LHCGR: variants seen among roughly 807,000 people sequenced by gnomAD.
LHCGR encodes the protein lutropin-choriogonadotropic hormone receptor.
A neutral mutation model predicts 60.7 loss-of-function variants in LHCGR; 55 were observed. The observed-to-expected ratio is 0.91, with a 90% CI of 0.73 to 1.13. The LOEUF (loss-of-function observed/expected upper bound fraction) is 1.13. Among genes scored for constraint, LHCGR ranks in the 50% most tolerant of loss-of-function variants. LHCGR has a pLI of 0.00. For missense variants in LHCGR, 862 were observed against 836.0 expected (o/e 1.03, Z -0.38); for synonymous variants, 337 against 316.5 (o/e 1.06, Z -0.69).
Position 48,687,843 on chromosome 2 carries a change from T to G in LHCGR, c.1954A>C (p.Arg652=), listed in dbSNP as rs1190896239. Residue 652 remains arginine (R), a synonymous_variant, in exon 11 of 11, where the codon AGA becomes CGA. Coordinates refer to ENST00000294954, the MANE Select transcript of LHCGR (RefSeq NM_000233.4). ...GTGTAAGCTGAAAAATCTTTCCTTCTATAAAGTTCAGCCCGACGTTTACAG... is the reference window on the plus strand; with the variant it reads ...GTGTAAGCTGAAAAATCTTTCCTTCGATAAAGTTCAGCCCGACGTTTACAG... ...GCCKRRAELY[R]RKDFSAYTSN... is the part of the protein sequence containing the mutation. 1 of 1,614,166 alleles carries G rather than the reference T, an allele frequency of 6.2e-7. No individual in the cohort carries two copies. Among genetic ancestry groups the G allele is most frequent in the Admixed American group, 1.7e-5 (1 of 60,020 alleles).
At position 48,688,898 on chromosome 2, in the gene LHCGR, A is replaced by G. The variant is rs747737917; in HGVS notation, c.948-49T>C. 3 of 1,546,526 alleles carry G rather than the reference A, an allele frequency of 1.9e-6. No individual in the cohort carries two copies. The highest frequency in any genetic ancestry group is 2.2e-5 in the East Asian group (1 of 44,566). ...AGGTAAGGGATTTTCTCTGAGTATTAAAAAATTCAAGAATTATGTTTCTTT... is the reference window on the plus strand; with the variant it reads ...AGGTAAGGGATTTTCTCTGAGTATTGAAAAATTCAAGAATTATGTTTCTTT... On this transcript the variant is annotated intron_variant, in intron 10 of 10. Coordinates refer to ENST00000294954, the MANE Select transcript of LHCGR (RefSeq NM_000233.4). This position sits in a 1 kb window ranked among gnomAD's most constrained non-coding sequence, Gnocchi z 5.2.
intron 9 of LHCGR, among the ~76,000 whole-genome samples, chr2:48,695,836 G>T (rs541895199): frequency 3.3e-5 from 5 of 152,196 alleles, no homozygotes; most frequent in Admixed American, 2.6e-4. Context: ...CTAAACACTG[G>T]GAACATATGA....
chr2:48,755,510 C>A lies in LHCGR; in HGVS notation c.161+1G>T. The A allele has an allele frequency of 6.5e-7, 1 of 1,538,426 alleles. No individual in the cohort carries two copies. Among genetic ancestry groups the A allele is most frequent in the Non-Finnish European group, 8.8e-7 (1 of 1,140,658 alleles). On this transcript the variant is annotated splice_donor_variant, in intron 1 of 10. Transcript: ENST00000294954. LOFTEE classifies it high-confidence loss of function. ...CCGCGACGGGAGCGCTGTGTACTCA[C>A]AGTCGAGTGAGACCGGCCGTGGGGC... is the stretch of plus-strand genomic sequence containing the variant.
chr2:48,695,417 A>G (rs919875654), intron 9 of LHCGR, among the ~76,000 whole-genome samples: 4 of 152,156 alleles, frequency 2.6e-5, no homozygotes, highest in African/African-American at 9.6e-5. Context: ...TAGGACTTTT[A>G]CAGTCTGAGA....
At chr2:48,709,640 G>T (rs1667880955) in intron 7 of LHCGR, among the ~76,000 whole-genome samples, 1 of 152,166 alleles carries the variant, frequency 6.6e-6, no homozygotes, top group Admixed American at 6.5e-5. Flanking sequence ...GTGTATGTGT[G>T]TGTCATGGAA....
chr2:48,750,209 T>C (rs568038768), intron 1 of LHCGR, among the ~76,000 whole-genome samples: 1 of 152,176 alleles, frequency 6.6e-6, no homozygotes, highest in Non-Finnish European at 1.5e-5. Context: ...GGTAGTCTTC[T>C]TTCTGTCTGT....
intron 10 of LHCGR, among the ~76,000 whole-genome samples, chr2:48,690,248 A>C (rs557756807): frequency 6.6e-6 from 1 of 152,316 alleles, no homozygotes; most frequent in East Asian, 1.9e-4. Context: ...GGTTCTGCCT[A>C]TCTCTCCAAC....
At chr2:48,723,733 G>T in intron 4 of LHCGR, 37 bp from the exon 5 acceptor site, 1 of 1,411,780 alleles carries the variant, frequency 7.1e-7, no homozygotes, top group Non-Finnish European at 1.0e-6. Context: ...TGGGCAGAGA[G>T]TGGGTAAAAG....
At chr2:48,749,324 G>A (rs1669851351) in intron 1 of LHCGR, among the ~76,000 whole-genome samples, 1 of 152,118 alleles carries the variant, frequency 6.6e-6, no homozygotes, top group Non-Finnish European at 1.5e-5. Context: ...TGGTGGGAGG[G>A]ATTATTTTAA....
At chr2:48,743,060 A>T (rs898916281) in intron 1 of LHCGR, among the ~76,000 whole-genome samples, 1 of 152,064 alleles carries the variant, frequency 6.6e-6, no homozygotes, top group Non-Finnish European at 1.5e-5. Context: ...GAATACTACA[A>T]ACACCTCTAT....
chr2:48,724,857 C>T (rs1307619063), intron 4 of LHCGR, among the ~76,000 whole-genome samples: 1 of 152,158 alleles, frequency 6.6e-6, no homozygotes, highest in African/African-American at 2.4e-5. Flanking sequence ...GGCCCCAGAG[C>T]AAGACTGATG....
intron 8 of LHCGR, chr2:48,708,657 T>A: frequency 3.7e-6 from 2 of 538,696 alleles, no homozygotes; most frequent in Non-Finnish European, 3.3e-6. Context: ...AGGAGAGGCC[T>A]GGAATAGATG....
chr2:48,702,510 G>C (rs1181216829), intron 8 of LHCGR, among the ~76,000 whole-genome samples: 2 of 152,108 alleles, frequency 1.3e-5, no homozygotes, highest in Non-Finnish European at 2.9e-5. Flanking sequence ...AGAACATGCG[G>C]TGTTTAGTTT....
At chr2:48,712,008 C>T (rs1438188045) in intron 7 of LHCGR, among the ~76,000 whole-genome samples, 1 of 152,072 alleles carries the variant, frequency 6.6e-6, no homozygotes, top group Non-Finnish European at 1.5e-5. Context: ...CTAGAAAGTA[C>T]TATCTGCTGG....
chr2:48,705,656 G>T (rs1667627218), intron 8 of LHCGR, among the ~76,000 whole-genome samples: 1 of 151,268 alleles, frequency 6.6e-6, no homozygotes, highest in African/African-American at 2.4e-5. Flanking sequence ...GGCCTTCTTT[G>T]TCTCTTTTGA....
intron 6 of LHCGR, chr2:48,720,832 G>T (rs1034510696): frequency 6.6e-6 from 1 of 152,228 alleles, no homozygotes; most frequent in Non-Finnish European, 1.5e-5. Flanking sequence ...TCATCTAAAA[G>T]TAGGGTTGAT....
intron 1 of LHCGR, among the ~76,000 whole-genome samples, chr2:48,749,763 C>G (rs553926220): frequency 6.6e-6 from 1 of 151,014 alleles, no homozygotes; most frequent in South Asian, 2.1e-4. Context: ...GGAATTACTA[C>G]TCTCCAAGGA....
Position 48,690,855 on chromosome 2 carries a change from A to G in LHCGR, c.948-2006T>C, listed in dbSNP as rs371840133. Among the ~76,000 whole-genome samples the G allele has an allele frequency of 9.2e-5, 14 of 152,340 alleles. No individual in the cohort carries two copies. The East Asian group carries it at 2.3e-3, about 25-fold the overall frequency. ...TCTAATCACTTCTTGAAAACAGAGGACTAGGTTTTACTTATTTCTGAAATC... is the reference window on the plus strand; with the variant it reads ...TCTAATCACTTCTTGAAAACAGAGGGCTAGGTTTTACTTATTTCTGAAATC... On this transcript the variant is annotated intron_variant, in intron 10 of 10. Transcript: ENST00000294954.
intron 3 of LHCGR, 119 bp from the exon 4 acceptor site, chr2:48,725,869 C>G (rs1425201633): frequency 1.1e-5 from 9 of 811,896 alleles, no homozygotes; most frequent in Admixed American, 5.4e-5. Context: ...AAGCAGGCGA[C>G]CTTCATATGC....
Sources: allele counts gnomAD v4.1 joint callset (sites outside exome capture counted in the v4.1 genomes callset), GRCh38; gene constraint gnomAD v4.1.1; non-coding constraint Gnocchi (gnomAD v3.1); transcripts MANE v1.5; gene names NCBI Gene and HGNC (gene_info 2026-07-23, HGNC 2026-07-21).